Variants in GRM5 observed in about 807,000 individuals in gnomAD.
GRM5 encodes the protein glutamate metabotropic receptor 5.
GRM5 carries 19 observed loss-of-function variants against 83.1 expected under a neutral mutation model. The observed-to-expected ratio is 0.23, with a 90% CI of 0.16 to 0.34. GRM5 has a LOEUF of 0.34. GRM5 is among the 10% of genes least tolerant of loss of function. The pLI is 1.00. For synonymous variants in GRM5, 675 were observed against 633.6 expected (o/e 1.07, Z -0.98); for missense variants, 1,160 against 1,588.3 (o/e 0.73, Z 4.58).
intron 3 of GRM5, among the ~76,000 whole-genome samples, chr11:88,724,849 G>A (rs1425388950): frequency 1.3e-5 from 2 of 152,110 alleles, no homozygotes; most frequent in East Asian, 1.9e-4. Context: ...GGGCTGTGCT[G>A]TAAGAAACGG....
chr11:88,680,111 A>G (rs1162557699), intron 3 of GRM5, among the ~76,000 whole-genome samples: 1 of 152,162 alleles, frequency 6.6e-6, no homozygotes, highest in Non-Finnish European at 1.5e-5. Context: ...TTTAAGTTCT[A>G]GGGTACATGT....
intron 3 of GRM5, among the ~76,000 whole-genome samples, chr11:88,675,943 G>GT (rs1940317497): frequency 6.6e-6 from 1 of 151,984 alleles, no homozygotes; most frequent in African/African-American, 2.4e-5. Flanking sequence ...ATTCTCACAC[G>GT]TAAGAGAATC....
chr11:88,560,365 G>A (rs567796555), intron 8 of GRM5, among the ~76,000 whole-genome samples: 21 of 152,130 alleles, frequency 1.4e-4, no homozygotes, highest in African/African-American at 3.9e-4. Context: ...TCATGGCACT[G>A]TATTGCTTTA....
chr11:88,556,914 G>T (rs1030428001), intron 8 of GRM5, among the ~76,000 whole-genome samples: 1 of 152,058 alleles, frequency 6.6e-6, no homozygotes, highest in African/African-American at 2.4e-5. Context: ...GAAAAAAAAT[G>T]TTGCATTTAG....
intron 2 of GRM5, among the ~76,000 whole-genome samples, chr11:88,994,744 T>C (rs1240304564): frequency 6.6e-6 from 1 of 151,950 alleles, no homozygotes; most frequent in Non-Finnish European, 1.5e-5. Flanking sequence ...TACAAAATCA[T>C]TGTCTCAAGT....
intron 2 of GRM5, among the ~76,000 whole-genome samples, chr11:88,937,353 CAGT>C (rs1937936960): frequency 6.6e-6 from 1 of 151,520 alleles, no homozygotes; most frequent in Non-Finnish European, 1.5e-5. Context: ...TAAAGTAATA[CAGT>C]ATTTATATTT....
intron 2 of GRM5, among the ~76,000 whole-genome samples, chr11:88,951,510 T>G (rs1293766805): frequency 6.6e-6 from 1 of 152,190 alleles, no homozygotes. Context: ...CTGTGTTTGC[T>G]TTTCCAATTT....
At chr11:88,545,298 A>G (rs192653478) in intron 8 of GRM5, among the ~76,000 whole-genome samples, 9 of 152,262 alleles carry the variant, frequency 5.9e-5, no homozygotes, top group African/African-American at 1.9e-4. Flanking sequence ...ATTTTCTTGC[A>G]GTTTCCTGGA....
At chr11:88,982,997 C>T (rs376549571) in intron 2 of GRM5, among the ~76,000 whole-genome samples, 34 of 152,268 alleles carry the variant, frequency 2.2e-4, no homozygotes, top group Middle Eastern at 6.8e-3. Context: ...ACCTGGGAGG[C>T]GGAGGTTGCA....
chr11:88,724,161 T>C (rs371985902), intron 3 of GRM5, among the ~76,000 whole-genome samples: 1 of 152,200 alleles, frequency 6.6e-6, no homozygotes, highest in East Asian at 1.9e-4. Flanking sequence ...GTTTAACTCA[T>C]CTCTATTGGC....
chr11:88,645,151 C>G (rs1329054841), intron 4 of GRM5, among the ~76,000 whole-genome samples: 2 of 152,064 alleles, frequency 1.3e-5, no homozygotes, highest in Non-Finnish European at 2.9e-5. Context: ...TTCATTTAAT[C>G]TTCATTTTAT....
At chr11:88,530,705 A>G (rs6483229) in intron 8 of GRM5, among the ~76,000 whole-genome samples, 93,876 of 151,932 alleles carry the variant, frequency 0.62, 29,228 homozygotes, top group South Asian at 0.68. Flanking sequence ...GATTCAGAAT[A>G]CATAAATGAG....
At chr11:89,031,809 A>G (rs1345531000) in intron 2 of GRM5, among the ~76,000 whole-genome samples, 1 of 152,024 alleles carries the variant, frequency 6.6e-6, no homozygotes, top group East Asian at 1.9e-4. Context: ...CTTTTAAAAT[A>G]TATTATTTGC....
intron 3 of GRM5, among the ~76,000 whole-genome samples, chr11:88,693,745 C>G (rs545270925): frequency 6.6e-6 from 1 of 152,292 alleles, no homozygotes; most frequent in Non-Finnish European, 1.5e-5. Context: ...CCTAGTTACT[C>G]TTCTGAAACT....
rs574910076 is a variant in GRM5, at chr11:88,740,003, T to C, written c.912-86600A>G. Reference sequence around the variant, plus strand: ...TTTTGAGACTTCTTGGGACATTATATAAAGAAGCTCATGACACTGATTTGT... The same window carrying C: ...TTTTGAGACTTCTTGGGACATTATACAAAGAAGCTCATGACACTGATTTGT... On this transcript the variant is annotated intron_variant, in intron 3 of 9. Coordinates refer to ENST00000305447, the MANE Select transcript of GRM5 (RefSeq NM_001143831.3). Among the ~76,000 whole-genome samples, 10 of 152,228 alleles carry C rather than the reference T, an allele frequency of 6.6e-5. No homozygotes were observed. In the East Asian group the frequency reaches 1.9e-3, roughly 29 times the overall value.
chr11:89,051,123 A>C (rs1004789816), intron 1 of GRM5, among the ~76,000 whole-genome samples: 4 of 151,968 alleles, frequency 2.6e-5, no homozygotes, highest in African/African-American at 9.7e-5. Flanking sequence ...TAAAGTTAAA[A>C]AAAGAAAAGA....
At chr11:88,899,132 A>T (rs1377735809) in intron 2 of GRM5, among the ~76,000 whole-genome samples, 1 of 151,946 alleles carries the variant, frequency 6.6e-6, no homozygotes, top group African/African-American at 2.4e-5. Context: ...TTAGATTTTT[A>T]AAATCCTAAT....
At chr11:88,732,242 T>C (rs1053754960) in intron 3 of GRM5, among the ~76,000 whole-genome samples, 4 of 152,098 alleles carry the variant, frequency 2.6e-5, no homozygotes, top group African/African-American at 7.2e-5. Flanking sequence ...ATTTCTACAC[T>C]TCAAGAATCT....
rs142606558 is a variant in GRM5 at position 88,712,290 on chromosome 11, C to T, written c.912-58887G>A. Among the ~76,000 whole-genome samples, 560 of 152,002 alleles carry T rather than the reference C, an allele frequency of 3.7e-3. 3 individuals carry two copies. The highest frequency in any genetic ancestry group is 0.013 in the African/African-American group (520 of 41,478). The stretch of plus-strand genomic sequence containing the variant: ...TGAATCACCATTTCTGAAGTAGCCC[C>T]GTCTCCAGGACATCCCATATATGTC... On this transcript the variant is annotated intron_variant, in intron 3 of 9. Transcript: ENST00000305447.
Sources: gnomAD v4.1 joint callset for allele counts (sites outside exome capture counted in the v4.1 genomes callset) on GRCh38, gnomAD v4.1.1 for gene constraint, MANE v1.5 for transcripts, NCBI Gene and HGNC (gene_info 2026-07-23, HGNC 2026-07-21) for gene names.